The following PRRC2C variants were observed in gnomAD, a reference collection of about 807,000 sequenced individuals.
PRRC2C encodes protein PRRC2C.
PRRC2C carries 72 observed loss-of-function variants against 317.2 expected under a neutral mutation model. That is an observed-to-expected ratio of 0.23 (90% CI 0.19 to 0.28). The LOEUF (loss-of-function observed/expected upper bound fraction) is 0.28, where lower values mean the gene tolerates loss of function less well. PRRC2C is among the 10% of genes least tolerant of loss of function. The pLI is 1.00. For synonymous variants in PRRC2C, 1,296 were observed against 1,205.9 expected, an observed-to-expected ratio of 1.07 and a Z score of -1.55; for missense variants, 3,074 against 3,459.7, an observed-to-expected ratio of 0.89 and a Z score of 2.80.
intron 25 of PRRC2C, among the ~76,000 whole-genome samples, chr1:171,576,891 G>A (rs757602244): frequency 6.6e-6 from 1 of 152,080 alleles, no homozygotes; most frequent in Non-Finnish European, 1.5e-5. Context: ...ATCTTACAAT[G>A]TTCCCCAGGC....
In PRRC2C at chr1:171,588,591, C is replaced by A. The variant is rs1403293164; in HGVS notation, c.8199+86C>A. On this transcript the variant is annotated intron_variant, in intron 33 of 34. Coordinates refer to ENST00000647382, the MANE Select transcript of PRRC2C (RefSeq NM_001387844.1). Reference sequence around the variant, plus strand: ...AATTATTATCTTGCCTTATGTTAACCAGTTAAGAAGTACAGTTTTTAATAA... The same window carrying A: ...AATTATTATCTTGCCTTATGTTAACAAGTTAAGAAGTACAGTTTTTAATAA... 2.9e-6 allele frequency: 4 copies of A among 1,398,368 alleles called. No individual in the cohort carries two copies. The African/African-American group carries it at 4.4e-5, about 15-fold the overall frequency. 86.6% of individuals were successfully genotyped at this position (1,398,368 alleles called of 1,614,324 possible).
intron 9 of PRRC2C, among the ~76,000 whole-genome samples, chr1:171,524,412 G>C (rs945928854): frequency 6.6e-6 from 1 of 152,184 alleles, no homozygotes; most frequent in African/African-American, 2.4e-5. Flanking sequence ...GATCGTTTAA[G>C]AGATACCTGT....
rs147065016 is a variant in PRRC2C at position 171,508,926 on chromosome 1, G to A, written c.-57-3106G>A. On this transcript the variant is annotated intron_variant, in intron 1 of 34. Transcript: ENST00000647382. ...TTTTGAGACAGAGTCTTGCTCTGTC[G>A]CCCAGGCTGGAGTGCAGTGGCATGA... Among the ~76,000 whole-genome samples, 340 of 150,018 alleles carry A rather than the reference G, an allele frequency of 2.3e-3. 1 individual carries two copies. Among genetic ancestry groups the A allele is most frequent in the African/African-American group, 8.0e-3 (325 of 40,646 alleles).
At chr1:171,529,067 G>A (rs947603855) in intron 11 of PRRC2C, among the ~76,000 whole-genome samples, 1 of 152,134 alleles carries the variant, frequency 6.6e-6, no homozygotes, top group African/African-American at 2.4e-5. Flanking sequence ...TGGAATTACA[G>A]ACTTGAGCCA....
chr1:171,560,579 A>G (rs1342771656), intron 19 of PRRC2C, among the ~76,000 whole-genome samples: 3 of 152,244 alleles, frequency 2.0e-5, no homozygotes, highest in Admixed American at 1.3e-4. Context: ...GCAGCCATCA[A>G]CATCTCCACT....
Position 171,545,314 on chromosome 1 carries a change from A to G in PRRC2C, c.4764-165A>G, listed in dbSNP as rs556975433. The stretch of plus-strand genomic sequence containing the variant: ...TTTCTTGGGAAACCCGGTTTTAGTA[A>G]GGTTGTGCTGAACAAAAGTTACTAA... On this transcript the variant is annotated intron_variant, in intron 16 of 34. Coordinates refer to ENST00000647382, the MANE Select transcript of PRRC2C (RefSeq NM_001387844.1). Among the ~76,000 whole-genome samples, 6 of 152,324 alleles carry G rather than the reference A, an allele frequency of 3.9e-5. No homozygotes were observed. In the South Asian group the frequency reaches 1.2e-3, roughly 32 times the overall value.
chr1:171,588,242 A>G, intron 32 of PRRC2C, 137 bp from the exon 33 acceptor site: 1 of 962,066 alleles, frequency 1.0e-6, no homozygotes, highest in African/African-American at 1.7e-5. Context: ...CTTCTACCAG[A>G]ATGTTTTGGT....
intron 9 of PRRC2C, among the ~76,000 whole-genome samples, chr1:171,524,304 T>G (rs944463043): frequency 4.6e-5 from 7 of 152,182 alleles, no homozygotes; most frequent in African/African-American, 1.7e-4. Context: ...ATATATGGGT[T>G]ATATATCATA....
intron 18 of PRRC2C, among the ~76,000 whole-genome samples, chr1:171,550,621 C>G (rs1475789736): frequency 7.2e-6 from 1 of 139,594 alleles, no homozygotes; most frequent in Non-Finnish European, 1.6e-5. Context: ...TCCCCCCTCC[C>G]CCCATCCCAC....
intron 1 of PRRC2C, chr1:171,510,570 C>A (rs532902262): frequency 1.3e-5 from 2 of 152,128 alleles, no homozygotes; most frequent in Non-Finnish European, 2.9e-5. Context: ...GTAGTACATT[C>A]TCTTTTCACA....
chr1:171,575,484 G>A (rs990782704), intron 25 of PRRC2C, among the ~76,000 whole-genome samples: 3 of 152,196 alleles, frequency 2.0e-5, no homozygotes, highest in Non-Finnish European at 4.4e-5. Flanking sequence ...TTGGGATAAC[G>A]TATTTTCTGG....
chr1:171,581,536 A>G lies in PRRC2C; in HGVS notation c.7409+1572A>G, dbSNP rs528060790. On this transcript the variant is annotated intron_variant, in intron 28 of 34. Coordinates refer to ENST00000647382, the MANE Select transcript of PRRC2C (RefSeq NM_001387844.1). The stretch of plus-strand genomic sequence containing the variant: ...TAGAAATAAAATGTAAGACACATAT[A>G]TAATTGTGGCACTTGGCTACCACAT... 5.3e-5 allele frequency among the ~76,000 whole-genome samples: 8 copies of G among 152,366 alleles called. No homozygotes were observed. In the South Asian group the frequency reaches 1.4e-3, roughly 28 times the overall value.
At position 171,541,951 on chromosome 1, in the gene PRRC2C, TGAA is replaced by T; in HGVS notation, c.4489_4491del (p.Glu1497del). On this transcript the variant is annotated inframe_deletion, in exon 16 of 35. Coordinates refer to ENST00000647382, the MANE Select transcript of PRRC2C (RefSeq NM_001387844.1). The surrounding 1 kb of genome is among the most constrained non-coding windows in gnomAD (Gnocchi z 4.1). ...ATCAGAACTCTTCAGATCAGGCAAA[TGAA>T]GAATGGGAAACAGCTTCTGAAAGCA... The T allele has an allele frequency of 6.2e-7, 1 of 1,612,818 alleles. No individual in the cohort carries two copies. Among genetic ancestry groups the T allele is most frequent in the Non-Finnish European group, 8.5e-7 (1 of 1,179,704 alleles).
rs746790639 is a variant in PRRC2C at position 171,566,606 on chromosome 1, T to C, written c.6321T>C (p.Ser2107=). 1.3e-6 allele frequency: 2 copies of C among 1,585,140 alleles called. No homozygotes were observed. Among genetic ancestry groups the C allele is most frequent in the South Asian group, 1.2e-5 (1 of 86,356 alleles). ...PIKAQKLPDL[S]PVENKEHKPG... The stretch of plus-strand genomic sequence containing the variant: ...TTTGACTTTAGCTTCCAGATTTGAG[T>C]CCAGTAGAAAACAAAGAACACAAAC... Residue 2107 remains serine (S), a synonymous_variant, in exon 22 of 35, where the codon AGT becomes AGC. Transcript: ENST00000647382.
intron 12 of PRRC2C, among the ~76,000 whole-genome samples, chr1:171,534,278 T>G (rs1457528031): frequency 6.6e-6 from 1 of 152,196 alleles, no homozygotes; most frequent in Admixed American, 6.5e-5. Flanking sequence ...TGGGCTTATA[T>G]TACATAAGTA....
At chr1:171,527,869 G>A in intron 11 of PRRC2C, 25 bp downstream of exon 11, 1 of 1,544,140 alleles carries the variant, frequency 6.5e-7, no homozygotes, top group Non-Finnish European at 8.8e-7. Context: ...CTTGTTTATG[G>A]ATTATATATT....
intron 23 of PRRC2C, among the ~76,000 whole-genome samples, chr1:171,568,781 T>C (rs1358157830): frequency 1.3e-5 from 2 of 152,142 alleles, no homozygotes; most frequent in Admixed American, 6.5e-5. Flanking sequence ...AAGAATCAAG[T>C]ATGTCTTTAA....
At chr1:171,547,604 T>C (rs1679352267) in intron 17 of PRRC2C, among the ~76,000 whole-genome samples, 1 of 151,830 alleles carries the variant, frequency 6.6e-6, no homozygotes, top group African/African-American at 2.4e-5. Flanking sequence ...ATAAACTGGG[T>C]TTTTTTCTTT....
rs1241711712 is a variant in PRRC2C at position 171,532,576 on chromosome 1, C to T, written c.1488C>T (p.Ile496=). The change falls in exon 12 of 35, where the codon ATC becomes ATT. Residue 496 remains isoleucine, a synonymous_variant. Transcript: ENST00000647382. ...AACGATTGGATGAGAAGCTTGGCATCCTGGAAAAACAACCATCTCCAGAGG... is the reference window on the plus strand; with the variant it reads ...AACGATTGGATGAGAAGCTTGGCATTCTGGAAAAACAACCATCTCCAGAGG... ...KLKRLDEKLG[I]LEKQPSPEEI... is the part of the protein sequence containing the mutation. The T allele has an allele frequency of 1.3e-6, 2 of 1,566,360 alleles. No individual in the cohort carries two copies. Among genetic ancestry groups the T allele is most frequent in the South Asian group, 2.3e-5 (2 of 85,144 alleles).
Sources: gnomAD v4.1 joint callset for allele counts (sites outside exome capture counted in the v4.1 genomes callset) on GRCh38, gnomAD v4.1.1 for gene constraint, Gnocchi (gnomAD v3.1) non-coding constraint, MANE v1.5 for transcripts, NCBI Gene and HGNC (gene_info 2026-07-23, HGNC 2026-07-21) for gene names.